Variants in PTPN21 observed in about 807,000 individuals in gnomAD.
PTPN21 encodes protein tyrosine phosphatase non-receptor type 21.
In PTPN21, 77 loss-of-function variants were observed where a neutral mutation model predicts 131.8. That is an observed-to-expected ratio of 0.58 (90% CI 0.49 to 0.71). The LOEUF (loss-of-function observed/expected upper bound fraction) is 0.71. PTPN21 is among the 30% of genes least tolerant of loss of function. PTPN21 has a pLI of 0.00. For missense variants in PTPN21, 1,552 were observed against 1,527.1 expected (o/e 1.02, Z -0.27); for synonymous variants, 715 against 621.3 (o/e 1.15, Z -2.24).
chr14:88,527,124 C>A (rs1005803891), intron 2 of PTPN21, among the ~76,000 whole-genome samples: 1 of 152,158 alleles, frequency 6.6e-6, no homozygotes, highest in Non-Finnish European at 1.5e-5. Context: ...CATGTGTGTG[C>A]AAATGTCTTT....
rs2077389034 is a variant in PTPN21, at chr14:88,467,853, A to G, written c.*284T>C. The stretch of plus-strand genomic sequence containing the variant: ...TAAAATAGAGAATTGTCTAGAAAAT[A>G]CAATCTCCAAAATGTGTGCAAGTAC... On this transcript the variant is annotated 3_prime_UTR_variant, in exon 19 of 19. Transcript: ENST00000556564. 8.3e-6 allele frequency: 3 copies of G among 360,422 alleles called. No homozygotes were observed. The highest frequency in any genetic ancestry group is 1.4e-4 in the East Asian group (2 of 14,422). 22.3% of individuals were successfully genotyped at this position (360,422 alleles called of 1,614,324 possible). A position where few individuals can be genotyped will look rare whatever the true frequency, so the allele number is the denominator to read the frequency against.
At chr14:88,530,060 T>C (rs886930210) in intron 2 of PTPN21, among the ~76,000 whole-genome samples, 6 of 151,552 alleles carry the variant, frequency 4.0e-5, no homozygotes, top group African/African-American at 1.5e-4. Context: ...GGAAAACCTA[T>C]CAGATTAACA....
At position 88,485,719 on chromosome 14, in the gene PTPN21, A is replaced by G. The variant is rs370775913; in HGVS notation, c.993+63T>C. The G allele has an allele frequency of 3.1e-4, 373 of 1,205,752 alleles. 5 individuals carry two copies. The highest frequency in any genetic ancestry group is 1.7e-3 in the South Asian group (140 of 80,804). 74.7% of individuals were successfully genotyped at this position (1,205,752 alleles called of 1,614,324 possible). A position where few individuals can be genotyped will look rare whatever the true frequency, so the allele number is the denominator to read the frequency against. ...ACTCAAAATTAACAGCATTGAAAGC[A>G]TATTTTATTCAGGAAAAACATCACT... On this transcript the variant is annotated intron_variant, in intron 11 of 18. Transcript: ENST00000556564.
intron 10 of PTPN21, among the ~76,000 whole-genome samples, chr14:88,488,176 T>C (rs1467166856): frequency 1.3e-5 from 2 of 152,140 alleles, no homozygotes; most frequent in Non-Finnish European, 2.9e-5. Context: ...TTCACAAGGA[T>C]TGCCAACAGA....
chr14:88,545,550 TCA>T (rs2078763665), intron 2 of PTPN21, among the ~76,000 whole-genome samples: 2 of 152,208 alleles, frequency 1.3e-5, no homozygotes, highest in Non-Finnish European at 2.9e-5. Flanking sequence ...CCACAAGGAC[TCA>T]CAGCCTCTCT....
intron 2 of PTPN21, among the ~76,000 whole-genome samples, chr14:88,521,014 A>G (rs927856946): frequency 6.6e-5 from 10 of 151,366 alleles, no homozygotes; most frequent in Admixed American, 2.7e-4. Flanking sequence ...GGCTATATAT[A>G]TATATTTTTT....
Position 88,495,593 on chromosome 14 carries a change from G to C in PTPN21, c.932+820C>G, listed in dbSNP as rs558077744. ...GAGAATCACTTGAACCGGGGGCTCA[G>C]GGGGAGGACAGGTCAGGAGAAGCCC... On this transcript the variant is annotated intron_variant, in intron 10 of 18. Transcript: ENST00000556564. Among the ~76,000 whole-genome samples, 6 of 152,332 alleles carry C rather than the reference G, an allele frequency of 3.9e-5. No homozygotes were observed. The South Asian group carries it at 1.0e-3, about 26-fold the overall frequency.
intron 1 of PTPN21, among the ~76,000 whole-genome samples, chr14:88,552,762 G>C (rs1294963432): frequency 6.6e-6 from 1 of 152,162 alleles, no homozygotes; most frequent in Non-Finnish European, 1.5e-5. Flanking sequence ...GCTCTTTGCT[G>C]TTTCAGGGGT....
chr14:88,550,342 G>A lies in PTPN21; in HGVS notation c.76C>T (p.Arg26Trp). 1 of 1,614,212 alleles carries A rather than the reference G, an allele frequency of 6.2e-7. No individual in the cohort carries two copies. The highest frequency in any genetic ancestry group is 1.3e-5 in the African/African-American group (1 of 75,060). The change falls in exon 2 of 19, where the codon CGG (arginine) becomes TGG (tryptophan). Residue 26 changes from arginine to tryptophan, a missense_variant. Arg to Trp is a moderately radical substitution (Grantham distance 101, BLOSUM62 -3). Around this residue, in one of 4 missense-constraint regions of PTPN21, gnomAD observed 206 missense variants for 221.6 expected, o/e 0.93. Coordinates refer to ENST00000556564, the MANE Select transcript of PTPN21 (RefSeq NM_007039.4). ...TVSSKSCLVARIQLLNNEFVE... is the reference protein window; with the variant it reads ...TVSSKSCLVAWIQLLNNEFVE... ...AACTCGTTATTAAGCAGTTGGATCC[G>A]GGCAACCAGGCAACTCTTGCTGGAC...
At chr14:88,495,760 G>C (rs1325045488) in intron 10 of PTPN21, among the ~76,000 whole-genome samples, 1 of 152,208 alleles carries the variant, frequency 6.6e-6, no homozygotes, top group Admixed American at 6.5e-5. Context: ...AGGATGGAAG[G>C]AGCTGTCGGA....
At chr14:88,531,773 G>A (rs2078558484) in intron 2 of PTPN21, among the ~76,000 whole-genome samples, 1 of 152,030 alleles carries the variant, frequency 6.6e-6, no homozygotes, top group Non-Finnish European at 1.5e-5. Flanking sequence ...ACAAAGATCA[G>A]AGCAGAACCA....
chr14:88,479,431 C>T lies in PTPN21; in HGVS notation c.2000G>A (p.Arg667Gln), dbSNP rs1242311693. 4.4e-6 allele frequency: 7 copies of T among 1,602,098 alleles called. No individual in the cohort carries two copies. The highest frequency in any genetic ancestry group is 1.7e-5 in the Admixed American group (1 of 59,224). ...GGGCTGGGAGCCCACCGAGACGGCT[C>T]GCGGCGCCACCTCTGCCGCCGACGC... is the stretch of plus-strand genomic sequence containing the variant. ...LSASAAEVAP[R>Q]AVSVGSQPSV... The change falls in exon 13 of 19, where the codon CGA becomes CAA. Residue 667 changes from arginine to glutamine, a missense_variant. Physicochemically the swap from Arg to Gln is conservative, Grantham distance 43. Coordinates refer to ENST00000556564, the MANE Select transcript of PTPN21 (RefSeq NM_007039.4).
intron 2 of PTPN21, among the ~76,000 whole-genome samples, chr14:88,518,538 C>G (rs989050509): frequency 1.4e-5 from 2 of 138,450 alleles, no homozygotes; most frequent in Non-Finnish European, 3.1e-5. Flanking sequence ...TCAAGTCATT[C>G]TCCTGCCTCA....
intron 9 of PTPN21, 63 bp from the exon 10 acceptor site, chr14:88,496,555 CAG>C (rs1467585494): frequency 5.6e-6 from 7 of 1,254,282 alleles, no homozygotes; most frequent in African/African-American, 1.5e-5. Context: ...ACGTTTAATG[CAG>C]AGTTTGTCTA....
rs763142157 is a variant in PTPN21 at position 88,469,090 on chromosome 14, A to G, written c.3236-14T>C. 19 of 1,601,926 alleles carry G rather than the reference A, an allele frequency of 1.2e-5. No homozygotes were observed. The South Asian group carries it at 1.8e-4, about 15-fold the overall frequency. On this transcript the variant is annotated splice_polypyrimidine_tract_variant and intron_variant, in intron 17 of 18. Coordinates refer to ENST00000556564, the MANE Select transcript of PTPN21 (RefSeq NM_007039.4). This position sits in a 1 kb window ranked among gnomAD's most constrained non-coding sequence, Gnocchi z 4.3. ...CTTCAAGATATGCTGTGGAAAATCA[A>G]TGAAATAGAAAAGTACTCAAGGATC... is the stretch of plus-strand genomic sequence containing the variant.
At chr14:88,517,004 C>T (rs1027364344) in intron 3 of PTPN21, 88 bp downstream of exon 3, 2 of 1,475,072 alleles carry the variant, frequency 1.4e-6, no homozygotes, top group African/African-American at 2.8e-5. Context: ...GGCAAAGTTT[C>T]AAACTTATCT....
At chr14:88,541,541 A>G (rs535878426) in intron 2 of PTPN21, among the ~76,000 whole-genome samples, 8 of 152,222 alleles carry the variant, frequency 5.3e-5, no homozygotes, top group Non-Finnish European at 1.0e-4. Context: ...CTGAAGATGC[A>G]TCACATACCT....
At chr14:88,508,849 A>T (rs762741940) in intron 3 of PTPN21, among the ~76,000 whole-genome samples, 27 of 152,218 alleles carry the variant, frequency 1.8e-4, no homozygotes, top group Non-Finnish European at 2.9e-4. Context: ...ATATCTGGTA[A>T]TGTGGGTTTA....
intron 2 of PTPN21, among the ~76,000 whole-genome samples, chr14:88,528,796 G>T (rs931170593): frequency 2.0e-5 from 3 of 152,202 alleles, no homozygotes; most frequent in Non-Finnish European, 2.9e-5. Flanking sequence ...TTTGTAAGTT[G>T]CCCAGTCTCA....
Sources: gnomAD v4.1 joint callset for allele counts (sites outside exome capture counted in the v4.1 genomes callset) on GRCh38, gnomAD v4.1.1 for gene constraint, gnomAD v4.1.1 regional missense constraint, Gnocchi (gnomAD v3.1) non-coding constraint, MANE v1.5 for transcripts, NCBI Gene and HGNC (gene_info 2026-07-23, HGNC 2026-07-21) for gene names.